GALM: variants seen among roughly 807,000 people sequenced by gnomAD.
GALM encodes the protein galactose mutarotase.
GALM carries 43 observed loss-of-function variants against 37.4 expected under a neutral mutation model. The ratio of observed to expected loss-of-function variants is 1.15; its 90% CI spans 0.90 to 1.48. The LOEUF (loss-of-function observed/expected upper bound fraction) is 1.48, where lower values mean the gene tolerates loss of function less well. GALM is among the 40% of genes most tolerant of loss of function. The probability of loss-of-function intolerance (pLI) is 0.00; values close to 1 mark genes in which losing one functional copy is unlikely to be tolerated. For missense variants in GALM, 456 were observed against 419.1 expected (o/e 1.09, Z -0.77); for synonymous variants, 199 against 170.6 (o/e 1.17, Z -1.30).
At chr2:38,668,470 T>C (rs4670263) in intron 1 of GALM, 37,119 of 152,104 alleles carry the variant, frequency 0.24, 6,810 homozygotes, top group African/African-American at 0.51. Context: ...ACATTTCTAG[T>C]GCATTAAAAC....
chr2:38,725,603 T>G (rs1666471073), intron 4 of GALM, among the ~76,000 whole-genome samples: 1 of 149,564 alleles, frequency 6.7e-6, no homozygotes, highest in South Asian at 2.1e-4. Context: ...TAGTCCTAGC[T>G]ACTCAGGAGG....
chr2:38,691,114 A>T (rs907932084), intron 4 of GALM, among the ~76,000 whole-genome samples: 2 of 152,238 alleles, frequency 1.3e-5, no homozygotes, highest in African/African-American at 4.8e-5. Flanking sequence ...AACTGCAAGG[A>T]AAAAATAGTG....
rs912075691 is a variant in GALM, at chr2:38,725,532, G to A, written c.635-4024G>A. The stretch of plus-strand genomic sequence containing the variant: ...GCCTGGGTAACAGAACGAGACCCTC[G>A]CTCTTAAACACACACATACACACAC... On this transcript the variant is annotated intron_variant, in intron 4 of 6. Coordinates refer to ENST00000272252, the MANE Select transcript of GALM (RefSeq NM_138801.3). Among the ~76,000 whole-genome samples the A allele has an allele frequency of 4.9e-5, 7 of 143,722 alleles. 1 individual carries two copies. Among genetic ancestry groups the A allele is most frequent in the East Asian group, 4.1e-4 (2 of 4,892 alleles). 94.3% of individuals were successfully genotyped at this position (143,722 alleles called of 152,430 possible). A position where few individuals can be genotyped will look rare whatever the true frequency, so the allele number is the denominator to read the frequency against.
intron 4 of GALM, among the ~76,000 whole-genome samples, chr2:38,700,946 ACTTCCAGATGTGGGACTCC>A (rs1174060096): frequency 1.3e-5 from 2 of 151,978 alleles, no homozygotes; most frequent in East Asian, 3.9e-4. Context: ...TTATCATTTC[ACTTCCAGATGTGGGACTCC>A]CTTGAGCATT....
intron 4 of GALM, among the ~76,000 whole-genome samples, chr2:38,723,085 C>A (rs558842764): frequency 2.5e-4 from 38 of 152,230 alleles, no homozygotes; most frequent in South Asian, 2.3e-3. Flanking sequence ...GTTTTTCAAT[C>A]AACGAAAGGC....
intron 4 of GALM, among the ~76,000 whole-genome samples, chr2:38,696,433 CT>C (rs35556554): frequency 0.094 from 12,839 of 136,378 alleles, 534 homozygotes; most frequent in Non-Finnish European, 0.12. Context: ...TTTTTCTTTT[CT>C]TTTTTTTTTT....
intron 4 of GALM, among the ~76,000 whole-genome samples, chr2:38,692,188 C>A (rs1171553017): frequency 6.6e-6 from 1 of 152,134 alleles, no homozygotes; most frequent in Non-Finnish European, 1.5e-5. Context: ...TGAGTCAGAC[C>A]TACATGTTAT....
chr2:38,717,792 G>A (rs1352196813), intron 4 of GALM, among the ~76,000 whole-genome samples: 2 of 150,062 alleles, frequency 1.3e-5, no homozygotes, highest in African/African-American at 4.9e-5. Flanking sequence ...CCCTAAGACA[G>A]CTTGCATAGA....
intron 4 of GALM, among the ~76,000 whole-genome samples, chr2:38,721,008 G>A (rs1479273965): frequency 4.6e-5 from 7 of 152,216 alleles, no homozygotes; most frequent in Admixed American, 1.3e-4. Flanking sequence ...ACGGCTCAGT[G>A]AAGAAGTATC....
At chr2:38,696,514 T>C (rs1212029604) in intron 4 of GALM, among the ~76,000 whole-genome samples, 1 of 150,820 alleles carries the variant, frequency 6.6e-6, no homozygotes, top group African/African-American at 2.4e-5. Context: ...CACTGTAACA[T>C]CAAACTTCTG....
chr2:38,706,838 C>G (rs11677876), intron 4 of GALM, among the ~76,000 whole-genome samples: 142,986 of 143,878 alleles, frequency 0.99, 71,050 homozygotes, highest in East Asian at 1. Flanking sequence ...AATCCAGTCT[C>G]GGCAACATAG....
chr2:38,687,926 A>G (rs904499633), intron 3 of GALM, among the ~76,000 whole-genome samples: 1 of 151,862 alleles, frequency 6.6e-6, no homozygotes, highest in African/African-American at 2.4e-5. Context: ...CAAAAAAACC[A>G]GTCGGCCGGG....
intron 4 of GALM, among the ~76,000 whole-genome samples, chr2:38,716,525 G>A (rs1421571948): frequency 4.6e-5 from 7 of 152,212 alleles, no homozygotes; most frequent in South Asian, 2.1e-4. Context: ...GATGCATGGC[G>A]GGGCTTCAGA....
intron 4 of GALM, among the ~76,000 whole-genome samples, chr2:38,694,404 CTCCTCCTTGT>C (rs1665753764): frequency 6.6e-6 from 1 of 152,134 alleles, no homozygotes. Flanking sequence ...CTCTCACTGT[CTCCTCCTTGT>C]TCCTTCCTCC....
At chr2:38,714,406 G>C (rs540410067) in intron 4 of GALM, among the ~76,000 whole-genome samples, 13 of 151,998 alleles carry the variant, frequency 8.6e-5, no homozygotes, top group Admixed American at 5.9e-4. Flanking sequence ...GTAGAGACAG[G>C]GTTTCACCAT....
intron 3 of GALM, 92 bp downstream of exon 3, chr2:38,681,578 G>A: frequency 9.5e-7 from 1 of 1,057,394 alleles, no homozygotes; most frequent in South Asian, 1.3e-5. Flanking sequence ...GAATTGCTGT[G>A]GCAGTGAGGT....
intron 1 of GALM, among the ~76,000 whole-genome samples, chr2:38,674,424 G>A (rs952024662): frequency 6.6e-6 from 1 of 152,038 alleles, no homozygotes; most frequent in Non-Finnish European, 1.5e-5. Context: ...TCTTGACCTC[G>A]TGATCCACCC....
At chr2:38,685,894 G>A (rs1207115816) in intron 3 of GALM, among the ~76,000 whole-genome samples, 13 of 151,896 alleles carry the variant, frequency 8.6e-5, no homozygotes, top group African/African-American at 3.1e-4. Context: ...TGTATTTTTA[G>A]TAGAGATGGG....
intron 4 of GALM, among the ~76,000 whole-genome samples, chr2:38,722,643 G>A (rs1311796010): frequency 5.9e-5 from 9 of 152,148 alleles, no homozygotes; most frequent in East Asian, 1.9e-4. Context: ...TTCCATTTCC[G>A]CTTCTTTTTC....
Sources: gnomAD v4.1 joint callset for allele counts (sites outside exome capture counted in the v4.1 genomes callset) on GRCh38, gnomAD v4.1.1 for gene constraint, MANE v1.5 for transcripts, NCBI Gene and HGNC (gene_info 2026-07-23, HGNC 2026-07-21) for gene names.